Variants in AGAP1 observed in about 807,000 individuals in gnomAD.
AGAP1 encodes the protein ArfGAP with GTPase domain, ankyrin repeat and PH domain 1.
Under a neutral mutation model 105.3 loss-of-function variants are expected in AGAP1, and 29 were observed. That is an observed-to-expected ratio of 0.28 (90% CI 0.21 to 0.38). The LOEUF (loss-of-function observed/expected upper bound fraction) is 0.38, where lower values mean the gene tolerates loss of function less well. Among genes scored for constraint, AGAP1 ranks in the 10% least tolerant of loss-of-function variants. AGAP1 has a pLI of 1.00. For synonymous variants in AGAP1, 509 were observed against 485.9 expected (o/e 1.05, Z -0.63); for missense variants, 998 against 1,165.1 (o/e 0.86, Z 2.09).
Position 235,883,232 on chromosome 2 carries a change from C to G in AGAP1, c.1051-113C>G. On this transcript the variant is annotated intron_variant, in intron 9 of 17. Coordinates refer to ENST00000304032, the MANE Select transcript of AGAP1 (RefSeq NM_001037131.3). The surrounding 1 kb of genome is among the most constrained non-coding windows in gnomAD (Gnocchi z 4.5). ...TATCTTTTAGCATTCGCCAGTATCA[C>G]AGAGTGAAGTTCTGCACACACACAG... The G allele has an allele frequency of 1.2e-6, 1 of 810,880 alleles. No homozygotes were observed. The highest frequency in any genetic ancestry group is 2.4e-5 in the Admixed American group (1 of 42,324). The allele number at this position is 810,880 out of a possible 1,614,324, so 50.2% of individuals were successfully genotyped here.
At chr2:235,676,791 AATG>A (rs903868478) in intron 1 of AGAP1, among the ~76,000 whole-genome samples, 3 of 152,326 alleles carry the variant, frequency 2.0e-5, no homozygotes, top group Non-Finnish European at 4.4e-5. Context: ...ATTAACTTAA[AATG>A]ATGTCACAAT....
At chr2:235,779,119 G>A (rs1956099017) in intron 6 of AGAP1, among the ~76,000 whole-genome samples, 1 of 152,166 alleles carries the variant, frequency 6.6e-6, no homozygotes, top group East Asian at 1.9e-4. Context: ...CCCCTGTTAG[G>A]CAACCTATGA....
rs1035490782 is a variant in AGAP1, at chr2:235,983,645, C to T, written c.1645+15022C>T. The stretch of plus-strand genomic sequence containing the variant: ...TCCCATGAGATTATAATACCGTGTC[C>T]TTACTGTGCCTTTTCTATGGTTAGA... On this transcript the variant is annotated intron_variant, in intron 13 of 17. Transcript: ENST00000304032. This position sits in a 1 kb window ranked among gnomAD's most constrained non-coding sequence, Gnocchi z 4.5. 2.0e-5 allele frequency among the ~76,000 whole-genome samples: 3 copies of T among 152,102 alleles called. No homozygotes were observed. The highest frequency in any genetic ancestry group is 4.4e-5 in the Non-Finnish European group (3 of 68,028).
chr2:235,812,853 G>A (rs183014126), intron 9 of AGAP1, among the ~76,000 whole-genome samples: 1 of 152,346 alleles, frequency 6.6e-6, no homozygotes, highest in East Asian at 1.9e-4. Flanking sequence ...GTCCACCCAC[G>A]TGGCAAATCA....
chr2:235,911,485 A>G lies in AGAP1; in HGVS notation c.1324+2579A>G, dbSNP rs565377962. Among the ~76,000 whole-genome samples, 7 of 152,352 alleles carry G rather than the reference A, an allele frequency of 4.6e-5. No individual in the cohort carries two copies. The South Asian group carries it at 1.4e-3, about 32-fold the overall frequency. Reference sequence around the variant, plus strand: ...GCACCAATTCTGTGAAGAAGCGTTCACTATGTAAAAGTAGGATTTTGAACT... The same window carrying G: ...GCACCAATTCTGTGAAGAAGCGTTCGCTATGTAAAAGTAGGATTTTGAACT... On this transcript the variant is annotated intron_variant, in intron 11 of 17. Transcript: ENST00000304032.
rs553613189 is a variant in AGAP1 at position 235,892,844 on chromosome 2, A to G, written c.1155+9395A>G. Among the ~76,000 whole-genome samples, 358 of 152,336 alleles carry G rather than the reference A, an allele frequency of 2.4e-3. 3 individuals carry two copies. The highest frequency in any genetic ancestry group is 8.3e-3 in the African/African-American group (344 of 41,574). On this transcript the variant is annotated intron_variant, in intron 10 of 17. Coordinates refer to ENST00000304032, the MANE Select transcript of AGAP1 (RefSeq NM_001037131.3). Reference sequence around the variant, plus strand: ...GTTTCCCCAGAACATTGAAACAGTCAGAATAACTCCTGTGCAGGCTACTGG... The same window carrying G: ...GTTTCCCCAGAACATTGAAACAGTCGGAATAACTCCTGTGCAGGCTACTGG...
intron 5 of AGAP1, among the ~76,000 whole-genome samples, chr2:235,746,001 C>T (rs1458062811): frequency 1.3e-5 from 2 of 152,160 alleles, no homozygotes; most frequent in African/African-American, 4.8e-5. Context: ...TGGTGCATGC[C>T]TGTAATACCA....
Position 236,121,434 on chromosome 2 carries a change from G to A in AGAP1, c.2370+987G>A, listed in dbSNP as rs927849425. Among the ~76,000 whole-genome samples, 10 of 152,160 alleles carry A rather than the reference G, an allele frequency of 6.6e-5. No individual in the cohort carries two copies. The highest frequency in any genetic ancestry group is 2.2e-4 in the African/African-American group (9 of 41,444). On this transcript the variant is annotated intron_variant, in intron 17 of 17. Coordinates refer to ENST00000304032, the MANE Select transcript of AGAP1 (RefSeq NM_001037131.3). The surrounding 1 kb of genome is among the most constrained non-coding windows in gnomAD (Gnocchi z 4.9). Reference sequence around the variant, plus strand: ...TCCTGCCTCAGCCTCCCAGGAAGCTGGGATTACAGGTGCGCACCACCACGC... The same window carrying A: ...TCCTGCCTCAGCCTCCCAGGAAGCTAGGATTACAGGTGCGCACCACCACGC...
chr2:235,846,000 G>T lies in AGAP1; in HGVS notation c.1051-37345G>T, dbSNP rs1307921336. 1.3e-5 allele frequency among the ~76,000 whole-genome samples: 2 copies of T among 151,894 alleles called. No individual in the cohort carries two copies. Among genetic ancestry groups the T allele is most frequent in the Non-Finnish European group, 2.9e-5 (2 of 67,982 alleles). On this transcript the variant is annotated intron_variant, in intron 9 of 17. Transcript: ENST00000304032. The surrounding 1 kb of genome is among the most constrained non-coding windows in gnomAD (Gnocchi z 4.8). ...AGGCCCTCCAGACCTCCTGGATGAGGCTTAAATTTTAAAAATACTAAATTA... is the reference window on the plus strand; with the variant it reads ...AGGCCCTCCAGACCTCCTGGATGAGTCTTAAATTTTAAAAATACTAAATTA...
At chr2:236,115,420 A>G (rs1336086753) in intron 16 of AGAP1, among the ~76,000 whole-genome samples, 15 of 152,234 alleles carry the variant, frequency 9.9e-5, no homozygotes, top group Admixed American at 9.8e-4. Context: ...CATAAGCCAC[A>G]GTCTCTCTAA....
intron 9 of AGAP1, among the ~76,000 whole-genome samples, chr2:235,841,546 C>G (rs773065228): frequency 7.9e-5 from 12 of 152,238 alleles, no homozygotes; most frequent in Middle Eastern, 6.8e-3. Flanking sequence ...GAAGGATCAC[C>G]TGAGCCTAGG....
At chr2:235,647,959 A>G (rs1217776825) in intron 1 of AGAP1, among the ~76,000 whole-genome samples, 4 of 152,204 alleles carry the variant, frequency 2.6e-5, no homozygotes, top group Admixed American at 2.6e-4. Flanking sequence ...ATTTGAACCA[A>G]TCAGAAAGAG....
rs1050149939 is a variant in AGAP1, at chr2:236,063,052, C to T, written c.2114+13771C>T. Among the ~76,000 whole-genome samples the T allele has an allele frequency of 3.0e-4, 45 of 152,082 alleles. 1 individual carries two copies. Among genetic ancestry groups the T allele is most frequent in the Middle Eastern group, 3.4e-3 (1 of 294 alleles). On this transcript the variant is annotated intron_variant, in intron 16 of 17. Coordinates refer to ENST00000304032, the MANE Select transcript of AGAP1 (RefSeq NM_001037131.3). Reference sequence around the variant, plus strand: ...ATCCTCCTGCCTTGGCCTCCCAAAGCGCTGGGATTACAGGGGTGAGGCACT... The same window carrying T: ...ATCCTCCTGCCTTGGCCTCCCAAAGTGCTGGGATTACAGGGGTGAGGCACT...
Position 236,049,048 on chromosome 2 carries a change from T to A in AGAP1, c.1892-11T>A, listed in dbSNP as rs2057816421. On this transcript the variant is annotated splice_polypyrimidine_tract_variant and intron_variant, in intron 15 of 17. Transcript: ENST00000304032. Reference sequence around the variant, plus strand: ...CTGATTGCGTTTAGCGTTCTGTTCCTCTTCCCGTAGATCCCAACTGGGCCA... The same window carrying A: ...CTGATTGCGTTTAGCGTTCTGTTCCACTTCCCGTAGATCCCAACTGGGCCA... The A allele has an allele frequency of 2.5e-6, 4 of 1,611,816 alleles. No individual in the cohort carries two copies. In the East Asian group the frequency reaches 8.9e-5, roughly 36 times the overall value.
chr2:235,879,117 G>A lies in AGAP1; in HGVS notation c.1051-4228G>A, dbSNP rs944910197. On this transcript the variant is annotated intron_variant, in intron 9 of 17. Transcript: ENST00000304032. This position sits in a 1 kb window ranked among gnomAD's most constrained non-coding sequence, Gnocchi z 5.0. The stretch of plus-strand genomic sequence containing the variant: ...AGGAGAGCTGGCCCTGCCACATTCC[G>A]TTAGCTAACAAGACACTTCCCCTGT... 3.3e-5 allele frequency among the ~76,000 whole-genome samples: 5 copies of A among 152,208 alleles called. No homozygotes were observed. Among genetic ancestry groups the A allele is most frequent in the East Asian group, 1.9e-4 (1 of 5,196 alleles).
In AGAP1 at chr2:235,573,056, T is replaced by TC. The variant is rs71064858; in HGVS notation, c.163+78208dup. Among the ~76,000 whole-genome samples, 229 of 76,080 alleles carry TC rather than the reference T, an allele frequency of 3.0e-3. 27 individuals carry two copies. Among genetic ancestry groups the TC allele is most frequent in the East Asian group, 0.024 (24 of 1,010 alleles). The allele number at this position is 76,080 out of a possible 152,430, so 49.9% of individuals were successfully genotyped here. On this transcript the variant is annotated intron_variant, in intron 1 of 17. Coordinates refer to ENST00000304032, the MANE Select transcript of AGAP1 (RefSeq NM_001037131.3). ...TTCTTCTTCTTCTTCTTCTTCTTCT[T>TC]CTTCTTTCTTCTTTCTTCTTTCTTC... is the stretch of plus-strand genomic sequence containing the variant.
chr2:235,813,020 G>A (rs942176385), intron 9 of AGAP1, among the ~76,000 whole-genome samples: 13 of 152,304 alleles, frequency 8.5e-5, no homozygotes, highest in East Asian at 3.9e-4. Context: ...GCCCAGTTAC[G>A]ATGATTAATG....
At chr2:235,680,112 A>G (rs181142575) in intron 1 of AGAP1, among the ~76,000 whole-genome samples, 211 of 152,324 alleles carry the variant, frequency 1.4e-3, no homozygotes, top group African/African-American at 5.0e-3. Context: ...CTTTAGCTCT[A>G]TATGCAGGAG....
chr2:235,662,855 C>G lies in AGAP1; in HGVS notation c.164-46324C>G, dbSNP rs926062684. 6.6e-6 allele frequency among the ~76,000 whole-genome samples: 1 copy of G among 152,156 alleles called. No individual in the cohort carries two copies. Among genetic ancestry groups the G allele is most frequent in the African/African-American group, 2.4e-5 (1 of 41,442 alleles). On this transcript the variant is annotated intron_variant, in intron 1 of 17. Coordinates refer to ENST00000304032, the MANE Select transcript of AGAP1 (RefSeq NM_001037131.3). The surrounding 1 kb of genome is among the most constrained non-coding windows in gnomAD (Gnocchi z 4.2). ...CTGGCCACTGCTGACTGGTGCATGG[C>G]GAGCAGAGGTTTTATTCCATCTTAC...
Sources: gnomAD v4.1 joint callset for allele counts (sites outside exome capture counted in the v4.1 genomes callset) on GRCh38, gnomAD v4.1.1 for gene constraint, Gnocchi (gnomAD v3.1) non-coding constraint, MANE v1.5 for transcripts, NCBI Gene and HGNC (gene_info 2026-07-23, HGNC 2026-07-21) for gene names.